The following ACADSB variants were observed in gnomAD, a reference collection of about 807,000 sequenced individuals.
ACADSB encodes acyl-CoA dehydrogenase short/branched chain.
Under a neutral mutation model 54.1 loss-of-function variants are expected in ACADSB, and 40 were observed. The ratio of observed to expected loss-of-function variants is 0.74; its 90% CI spans 0.57 to 0.96. ACADSB has a LOEUF of 0.96. ACADSB is among the 40% of genes least tolerant of loss of function. The pLI is 0.00. For synonymous variants in ACADSB, 182 were observed against 182.8 expected, an observed-to-expected ratio of 1.00 and a Z score of 0.03; for missense variants, 530 against 510.4, an observed-to-expected ratio of 1.04 and a Z score of -0.37.
At position 123,011,462 on chromosome 10, in the gene ACADSB, A is replaced by G. The variant is rs1042992685; in HGVS notation, c.42+2391A>G. ...CTGCCCATTTGGTCTAAGCAACCCA[A>G]TTAGTGGAGAATTGGACCTTGTAGT... On this transcript the variant is annotated intron_variant, in intron 1 of 10. Transcript: ENST00000358776. Among the ~76,000 whole-genome samples the G allele has an allele frequency of 2.6e-5, 4 of 152,002 alleles. No individual in the cohort carries two copies. The East Asian group carries it at 7.7e-4, about 29-fold the overall frequency.
At chr10:123,016,910 C>G (rs9423247) in intron 1 of ACADSB, among the ~76,000 whole-genome samples, 86,134 of 152,004 alleles carry the variant, frequency 0.57, 26,042 homozygotes, top group Non-Finnish European at 0.69. Flanking sequence ...CAAGACATGG[C>G]AGGGCCAGCT....
intron 1 of ACADSB, among the ~76,000 whole-genome samples, chr10:123,012,013 C>G (rs115327348): frequency 0.3 from 45,166 of 151,916 alleles, 7,959 homozygotes; most frequent in Non-Finnish European, 0.39. Flanking sequence ...CTGCACCTGG[C>G]TAATTTTTAA....
At position 123,057,061 on chromosome 10, in the gene ACADSB, G is replaced by A. The variant is rs1850718354; in HGVS notation, c.*3296G>A. The A allele has an allele frequency of 6.6e-6, 1 of 152,602 alleles. No homozygotes were observed. The highest frequency in any genetic ancestry group is 1.5e-5 in the Non-Finnish European group (1 of 68,036). 9.5% of individuals were successfully genotyped at this position (152,602 alleles called of 1,614,324 possible). ...ATGACATGGATGAAATGCCCTACAG[G>A]GGCCTTGGACATCTTTAATTTCTGC... is the stretch of plus-strand genomic sequence containing the variant. On this transcript the variant is annotated 3_prime_UTR_variant, in exon 11 of 11. Transcript: ENST00000358776.
At chr10:123,036,232 C>T (rs1850396315) in intron 2 of ACADSB, among the ~76,000 whole-genome samples, 1 of 152,180 alleles carries the variant, frequency 6.6e-6, no homozygotes, top group African/African-American at 2.4e-5. Flanking sequence ...AGATTACAGG[C>T]GTGTGCCACC....
Position 123,034,445 on chromosome 10 carries a change from A to G in ACADSB, c.132A>G (p.Ile44Met), listed in dbSNP as rs1850370116. 6.2e-7 allele frequency: 1 copy of G among 1,613,250 alleles called. No homozygotes were observed. Among genetic ancestry groups the G allele is most frequent in the Admixed American group, 1.7e-5 (1 of 59,998 alleles). The change falls in exon 2 of 11, where the codon ATA becomes ATG. Residue 44 changes from isoleucine (I) to methionine (M), a missense_variant. Transcript: ENST00000358776. ...CCCAGTCAGAAGCTCTACTCAATATAACAAATAATGGAATACACTTTGCTC... is the reference window on the plus strand; with the variant it reads ...CCCAGTCAGAAGCTCTACTCAATATGACAAATAATGGAATACACTTTGCTC... ...KSSQSEALLN[I>M]TNNGIHFAPL...
At chr10:123,016,322 C>T (rs1476480412) in intron 1 of ACADSB, among the ~76,000 whole-genome samples, 2 of 152,200 alleles carry the variant, frequency 1.3e-5, no homozygotes, top group African/African-American at 2.4e-5. Context: ...AATTTATAGA[C>T]AAATGAAGGG....
At chr10:123,028,038 T>C (rs767662883) in intron 1 of ACADSB, among the ~76,000 whole-genome samples, 3 of 152,150 alleles carry the variant, frequency 2.0e-5, no homozygotes, top group Non-Finnish European at 2.9e-5. Flanking sequence ...GTCCCAGCAC[T>C]TAGGTTCTCT....
chr10:123,012,628 T>G (rs1410946734), intron 1 of ACADSB, among the ~76,000 whole-genome samples: 1 of 152,024 alleles, frequency 6.6e-6, no homozygotes, highest in Non-Finnish European at 1.5e-5. Flanking sequence ...ACCTTCACGG[T>G]GAGTGTTACA....
intron 5 of ACADSB, among the ~76,000 whole-genome samples, chr10:123,042,019 G>A (rs1377799477): frequency 6.8e-6 from 1 of 147,094 alleles, no homozygotes; most frequent in Non-Finnish European, 1.5e-5. Flanking sequence ...AGGCTGGAGT[G>A]CAGTGGTGTG....
intron 1 of ACADSB, among the ~76,000 whole-genome samples, chr10:123,012,921 G>A (rs1850057106): frequency 1.3e-5 from 2 of 152,176 alleles, no homozygotes; most frequent in Admixed American, 1.3e-4. Flanking sequence ...ACAGGGTGCT[G>A]ATTGGTGCAT....
chr10:123,040,367 A>G, intron 3 of ACADSB, 99 bp from the exon 4 acceptor site: 1 of 1,067,794 alleles, frequency 9.4e-7, no homozygotes. Context: ...AATAATAATA[A>G]TAAATATGGT....
chr10:123,026,790 G>GA, intron 1 of ACADSB, among the ~76,000 whole-genome samples: 2 of 151,782 alleles, frequency 1.3e-5, no homozygotes, highest in Middle Eastern at 6.8e-3. Context: ...AGGACAGGGA[G>GA]AAAAATAAGA....
In ACADSB at chr10:123,038,244, C is replaced by G. The variant is rs571453673; in HGVS notation, c.303+397C>G. ...CAACATCCTGTAGTGCACAGGACAACTGCCACAACAAAGAATTATCCAACC... is the reference window on the plus strand; with the variant it reads ...CAACATCCTGTAGTGCACAGGACAAGTGCCACAACAAAGAATTATCCAACC... On this transcript the variant is annotated intron_variant, in intron 3 of 10. Coordinates refer to ENST00000358776, the MANE Select transcript of ACADSB (RefSeq NM_001609.4). Among the ~76,000 whole-genome samples, 7 of 152,296 alleles carry G rather than the reference C, an allele frequency of 4.6e-5. No homozygotes were observed. In the South Asian group the frequency reaches 8.3e-4, roughly 18 times the overall value.
chr10:123,020,326 G>T (rs1372307551), intron 1 of ACADSB, among the ~76,000 whole-genome samples: 1 of 152,172 alleles, frequency 6.6e-6, no homozygotes, highest in Non-Finnish European at 1.5e-5. Flanking sequence ...TTTCCCAGAG[G>T]TTGCTGCTTT....
rs1377543953 is a variant in ACADSB, at chr10:123,054,952, T to C, written c.*1187T>C. On this transcript the variant is annotated 3_prime_UTR_variant, in exon 11 of 11. Coordinates refer to ENST00000358776, the MANE Select transcript of ACADSB (RefSeq NM_001609.4). ...GGTTCAGTGATTCTCAAGAAAAAGA[T>C]CTCTTGCCCATTAAGAAGTGTATCA... The C allele has an allele frequency of 6.6e-6, 1 of 152,180 alleles. No individual in the cohort carries two copies. Among genetic ancestry groups the C allele is most frequent in the Non-Finnish European group, 1.5e-5 (1 of 68,034 alleles). The allele number at this position is 152,180 out of a possible 1,614,324, so 9.4% of individuals were successfully genotyped here.
intron 1 of ACADSB, among the ~76,000 whole-genome samples, chr10:123,023,091 A>G (rs1589733926): frequency 6.6e-6 from 1 of 152,316 alleles, no homozygotes; most frequent in East Asian, 1.9e-4. Flanking sequence ...AGATATTTTT[A>G]CCGATAACTC....
chr10:123,045,024 C>T (rs1445655840), intron 7 of ACADSB, among the ~76,000 whole-genome samples: 1 of 148,874 alleles, frequency 6.7e-6, no homozygotes, highest in Non-Finnish European at 1.5e-5. Flanking sequence ...CCAAATTTGG[C>T]TTTTATAATG....
intron 1 of ACADSB, among the ~76,000 whole-genome samples, chr10:123,015,474 G>T (rs748646744): frequency 3.3e-5 from 5 of 152,114 alleles, no homozygotes; most frequent in Non-Finnish European, 4.4e-5. Flanking sequence ...AGTATCCCTG[G>T]CCTCTACTCA....
rs374420253 is a variant in ACADSB at position 123,041,319 on chromosome 10, G to A, written c.621G>A (p.Trp207Ter). ...DYYVLNGSKMWISSAEHAGLF... is the reference protein window; with the variant it reads ...DYYVLNGSKM ...ATGTCCTCAATGGATCAAAGATGTG[G>A]ATCAGCAGTGCTGAGCACGCAGGGC... Residue 207 changes from tryptophan (W) to a stop codon, truncating the protein, a stop_gained, in exon 5 of 11, where the codon TGG becomes TGA. Transcript: ENST00000358776. LOFTEE classifies it high-confidence loss of function. 3.8e-5 allele frequency: 61 copies of A among 1,614,094 alleles called. No individual in the cohort carries two copies. Among genetic ancestry groups the A allele is most frequent in the Admixed American group, 3.0e-4 (18 of 60,008 alleles).
Sources: allele counts gnomAD v4.1 joint callset (sites outside exome capture counted in the v4.1 genomes callset), GRCh38; gene constraint gnomAD v4.1.1; transcripts MANE v1.5; gene names NCBI Gene and HGNC (gene_info 2026-07-23, HGNC 2026-07-21).